The following DMD variants were observed in gnomAD, a reference collection of about 807,000 sequenced individuals.
DMD encodes the protein dystrophin.
A neutral mutation model predicts 330.1 loss-of-function variants in DMD; 63 were observed. That is an observed-to-expected ratio of 0.19 (90% CI 0.16 to 0.24). The LOEUF (loss-of-function observed/expected upper bound fraction) is 0.24, where lower values mean the gene tolerates loss of function less well. DMD is among the 10% of genes least tolerant of loss of function. The pLI is 1.00. For synonymous variants in DMD, 1,223 were observed against 959.8 expected (o/e 1.27, Z -5.07); for missense variants, 3,344 against 2,684.1 (o/e 1.25, Z -5.43).
At position 31,789,863 on chromosome X, in the gene DMD, C is replaced by T. The variant is rs183774742; in HGVS notation, c.7310-15671G>A. Reference sequence around the variant, plus strand: ...TAACTGAAACAACATTAACTCCTATCTAGGGTTTATCAAACTACAGAAAAC... The same window carrying T: ...TAACTGAAACAACATTAACTCCTATTTAGGGTTTATCAAACTACAGAAAAC... On this transcript the variant is annotated intron_variant, in intron 50 of 78. Coordinates refer to ENST00000357033, the MANE Select transcript of DMD (RefSeq NM_004006.3). Among the ~76,000 whole-genome samples the T allele has an allele frequency of 1.5e-4, 17 of 111,083 alleles. No individual in the cohort carries two copies. In the East Asian group the frequency reaches 4.6e-3, roughly 30 times the overall value.
chrX:32,654,567 G>A (rs1367381609), intron 9 of DMD, among the ~76,000 whole-genome samples: 1 of 110,814 alleles, frequency 9.0e-6, no homozygotes, highest in Non-Finnish European at 1.9e-5. Context: ...TTTTATTGAG[G>A]ATTTTTGCAT....
intron 1 of DMD, among the ~76,000 whole-genome samples, chrX:33,281,500 C>T (rs1379908722): frequency 4.5e-5 from 5 of 111,817 alleles, no homozygotes; most frequent in African/African-American, 1.3e-4. Flanking sequence ...TGAGCCACTG[C>T]GCCTGGCCTG....
intron 60 of DMD, among the ~76,000 whole-genome samples, chrX:31,383,286 T>C (rs920061702): frequency 1.8e-5 from 2 of 111,842 alleles, no homozygotes; most frequent in African/African-American, 6.5e-5. Context: ...CTTTTCGGAC[T>C]CAGCTCGCCT....
At chrX:33,250,085 TTATA>T (rs560212408) in intron 1 of DMD, among the ~76,000 whole-genome samples, 770 of 75,323 alleles carry the variant, frequency 0.01, 10 homozygotes, top group Middle Eastern at 0.013. Flanking sequence ...AAACTATTCA[TTATA>T]TATATATATA....
chrX:32,305,573 C>G (rs1198260702), intron 42 of DMD, among the ~76,000 whole-genome samples: 1 of 111,226 alleles, frequency 9.0e-6, no homozygotes, highest in Non-Finnish European at 1.9e-5. Context: ...TCCAAGCCAC[C>G]AGCATCTCTT....
chrX:33,288,475 C>T (rs2053467009), intron 1 of DMD, among the ~76,000 whole-genome samples: 1 of 111,516 alleles, frequency 9.0e-6, no homozygotes, highest in Non-Finnish European at 1.9e-5. Context: ...ATCTTGCCCT[C>T]TCTATATTCT....
chrX:32,669,135 C>A (rs1202658177), intron 9 of DMD, among the ~76,000 whole-genome samples: 1 of 111,421 alleles, frequency 9.0e-6, no homozygotes, highest in Non-Finnish European at 1.9e-5. Context: ...TATCCCATCT[C>A]CTCCTTACTT....
chrX:32,863,567 CACACACAAAT>C (rs2082253296), intron 2 of DMD, among the ~76,000 whole-genome samples: 1 of 89,975 alleles, frequency 1.1e-5, no homozygotes, highest in Non-Finnish European at 2.3e-5. Context: ...CACACACACA[CACACACAAAT>C]ACACACATAT....
At chrX:31,337,418 T>C (rs1439065429) in intron 61 of DMD, among the ~76,000 whole-genome samples, 1 of 112,032 alleles carries the variant, frequency 8.9e-6, no homozygotes, top group Admixed American at 9.4e-5. Flanking sequence ...CCAGGAACAG[T>C]TTATGTAAGT....
At chrX:32,503,415 T>A (rs73453726) in intron 18 of DMD, among the ~76,000 whole-genome samples, 1,530 of 112,144 alleles carry the variant, frequency 0.014, 27 homozygotes, top group African/African-American at 0.047. Context: ...CAGAAATAGT[T>A]GCAGAGAAAA....
At chrX:32,624,345 A>C (rs1462693278) in intron 11 of DMD, among the ~76,000 whole-genome samples, 2 of 111,869 alleles carry the variant, frequency 1.8e-5, no homozygotes, top group Non-Finnish European at 3.8e-5. Context: ...ATATCAGGAC[A>C]TGATACTAGG....
chrX:32,683,604 G>C (rs1034073689), intron 9 of DMD, among the ~76,000 whole-genome samples: 2 of 94,000 alleles, frequency 2.1e-5, no homozygotes, highest in African/African-American at 7.9e-5. Context: ...GAGAACACAT[G>C]GACACAGGAA....
chrX:31,933,413 T>C (rs1043931127), intron 45 of DMD, among the ~76,000 whole-genome samples: 6 of 112,599 alleles, frequency 5.3e-5, no homozygotes, highest in Admixed American at 1.9e-4. Flanking sequence ...ATTATGAAAA[T>C]GCATATAACT....
intron 1 of DMD, among the ~76,000 whole-genome samples, chrX:33,191,486 C>T (rs182607149): frequency 1.0e-4 from 11 of 110,508 alleles, no homozygotes; most frequent in Admixed American, 3.9e-4. Context: ...TGCAGTGGCA[C>T]GAACTTGGCT....
chrX:31,716,854 C>CATAT (rs1401626541), intron 52 of DMD, among the ~76,000 whole-genome samples: 5 of 92,688 alleles, frequency 5.4e-5, no homozygotes, highest in African/African-American at 2.2e-4. Flanking sequence ...CACACACACA[C>CATAT]ACATATATAT....
chrX:31,264,703 C>T (rs2050862616), intron 62 of DMD, among the ~76,000 whole-genome samples: 1 of 111,286 alleles, frequency 9.0e-6, no homozygotes, highest in African/African-American at 3.3e-5. Context: ...ATAAAGTCAT[C>T]GACTATGACA....
chrX:32,659,243 T>C (rs767717790), intron 9 of DMD, among the ~76,000 whole-genome samples: 1 of 112,216 alleles, frequency 8.9e-6, no homozygotes, highest in Non-Finnish European at 1.9e-5. Flanking sequence ...TTGCTTGGTT[T>C]ATCCCGTTAC....
At chrX:32,442,423 G>A (rs2098284914) in intron 27 of DMD, among the ~76,000 whole-genome samples, 1 of 111,151 alleles carries the variant, frequency 9.0e-6, no homozygotes, top group Non-Finnish European at 1.9e-5. Flanking sequence ...AATCTCATTA[G>A]TAATCAAGGA....
intron 11 of DMD, among the ~76,000 whole-genome samples, chrX:32,623,644 C>T (rs761211399): frequency 9.2e-6 from 1 of 108,739 alleles, no homozygotes; most frequent in East Asian, 2.9e-4. Context: ...CCTCCTGCCT[C>T]AGCCTCCTGA....
Sources: gnomAD v4.1 joint callset for allele counts (sites outside exome capture counted in the v4.1 genomes callset) on GRCh38, gnomAD v4.1.1 for gene constraint, MANE v1.5 for transcripts, NCBI Gene and HGNC (gene_info 2026-07-23, HGNC 2026-07-21) for gene names.